Variants in POM121C observed in about 807,000 individuals in gnomAD.
POM121C encodes POM121 transmembrane nucleoporin C, also known as nuclear envelope pore membrane protein POM 121C.
In POM121C, 20 loss-of-function variants were observed where a neutral mutation model predicts 66.4. The observed-to-expected ratio is 0.30, with a 90% CI of 0.21 to 0.44. The LOEUF is 0.44. Among genes scored for constraint, POM121C ranks in the 20% least tolerant of loss-of-function variants. POM121C has a pLI of 1.00. For missense variants in POM121C, 580 were observed against 1,225.7 expected, an observed-to-expected ratio of 0.47 and a Z score of 7.87; for synonymous variants, 286 against 528.0, an observed-to-expected ratio of 0.54 and a Z score of 6.28.
chr7:75,437,142 G>GA (rs1210282392), intron 7 of POM121C, among the ~76,000 whole-genome samples: 2 of 152,136 alleles, frequency 1.3e-5, no homozygotes, highest in African/African-American at 2.4e-5. Context: ...GCTCTGTCTC[G>GA]AATCAGCTCG....
rs1792542377 is a variant in POM121C, at chr7:75,486,214, G to A, written c.-808C>T. On this transcript the variant is annotated 5_prime_UTR_variant, in exon 1 of 15. Transcript: ENST00000615331. ...CGGGCGGTCAGCATCCAGCCCCGCA[G>A]ACTCGGTGATTCTCGTCCACTAGAA... 1 of 292,154 alleles carries A rather than the reference G, an allele frequency of 3.4e-6. No individual in the cohort carries two copies. The highest frequency in any genetic ancestry group is 2.6e-5 in the South Asian group (1 of 37,888). 18.1% of individuals were successfully genotyped at this position (292,154 alleles called of 1,614,324 possible). A position where few individuals can be genotyped will look rare whatever the true frequency, so the allele number is the denominator to read the frequency against.
intron 7 of POM121C, among the ~76,000 whole-genome samples, chr7:75,430,311 G>T (rs1475389488): frequency 3.3e-5 from 5 of 152,132 alleles, no homozygotes; most frequent in Admixed American, 1.3e-4. Flanking sequence ...AGGGTAGTAA[G>T]AAAAATAGTC....
chr7:75,433,580 T>TAG (rs1790276570), intron 7 of POM121C, among the ~76,000 whole-genome samples: 2 of 152,090 alleles, frequency 1.3e-5, no homozygotes, highest in Non-Finnish European at 2.9e-5. Flanking sequence ...AGGATAGTCT[T>TAG]AATCACCTGA....
chr7:75,419,187 G>A, intron 14 of POM121C, 133 bp downstream of exon 14: 3 of 1,396,602 alleles, frequency 2.1e-6, no homozygotes, highest in Non-Finnish European at 2.9e-6. Flanking sequence ...GGGCTGTGCT[G>A]TACTCCTAAC....
chr7:75,456,563 C>T (rs1427108208), intron 3 of POM121C, among the ~76,000 whole-genome samples: 3 of 152,196 alleles, frequency 2.0e-5, no homozygotes, highest in African/African-American at 2.4e-5. Flanking sequence ...CGAGCCAGAG[C>T]GCAAAGGCAC....
intron 3 of POM121C, among the ~76,000 whole-genome samples, chr7:75,452,690 G>A (rs1488126985): frequency 1.3e-5 from 2 of 152,060 alleles, no homozygotes; most frequent in African/African-American, 4.8e-5. Context: ...AACATTACCA[G>A]GGAAGAACTG....
chr7:75,422,004 A>T lies in POM121C; in HGVS notation c.2248T>A (p.Ser750Thr). 6.2e-7 allele frequency: 1 copy of T among 1,613,858 alleles called. No individual in the cohort carries two copies. The highest frequency in any genetic ancestry group is 8.5e-7 in the Non-Finnish European group (1 of 1,179,842). The stretch of plus-strand genomic sequence containing the variant: ...TGCGCAGGCACGATCTTGATCGTGG[A>T]CGCAGGTGCAGGTGTGGGTGCAGTA... ...PATAPTPAPA[S>T]TIKIVPAHVP... The change falls in exon 13 of 15, where the codon TCC (serine) becomes ACC (threonine). Residue 750 changes from serine to threonine, a missense_variant. Ser to Thr is a moderately conservative substitution (Grantham distance 58). Coordinates refer to ENST00000615331, the MANE Select transcript of POM121C (RefSeq NM_001099415.3).
intron 3 of POM121C, among the ~76,000 whole-genome samples, chr7:75,447,003 G>A (rs1306592262): frequency 3.2e-5 from 2 of 62,034 alleles, no homozygotes; most frequent in African/African-American, 7.4e-5. Context: ...GCGAGACTCC[G>A]TCTCAAAAAA....
intron 3 of POM121C, among the ~76,000 whole-genome samples, chr7:75,443,264 A>G (rs1790729938): frequency 6.6e-6 from 1 of 152,120 alleles, no homozygotes; most frequent in Admixed American, 6.5e-5. Context: ...CTGAGAAAGT[A>G]GATTAGTGGT....
chr7:75,443,376 T>C (rs374428277), intron 3 of POM121C, among the ~76,000 whole-genome samples: 1,502 of 137,388 alleles, frequency 0.011, 5 homozygotes, highest in African/African-American at 0.042. Context: ...AAAATTAGAT[T>C]GTGTTGGCGG....
At chr7:75,450,837 G>C (rs1412350625) in intron 3 of POM121C, among the ~76,000 whole-genome samples, 3 of 152,184 alleles carry the variant, frequency 2.0e-5, no homozygotes, top group Non-Finnish European at 4.4e-5. Context: ...TCAAATGTCC[G>C]TGTTTCAATG....
chr7:75,449,831 C>A (rs1291278500), intron 3 of POM121C, among the ~76,000 whole-genome samples: 3 of 151,968 alleles, frequency 2.0e-5, no homozygotes, highest in Non-Finnish European at 4.4e-5. Flanking sequence ...GCCTGGCCAA[C>A]ATGGCCAGGC....
At chr7:75,443,386 G>C (rs1554474382) in intron 3 of POM121C, among the ~76,000 whole-genome samples, 1 of 152,156 alleles carries the variant, frequency 6.6e-6, no homozygotes, top group African/African-American at 2.4e-5. Context: ...TGTGTTGGCG[G>C]TTGCACCACC....
rs1789494590 is a variant in POM121C at position 75,417,058 on chromosome 7, A to C, written c.*1738T>G. On this transcript the variant is annotated 3_prime_UTR_variant, in exon 15 of 15. Transcript: ENST00000615331. ...CTACCTTACATAAGGTACAGGTAGA[A>C]GCTTGATTGCTAGGCCCAGGCCCAC... 2 of 1,022,106 alleles carry C rather than the reference A, an allele frequency of 2.0e-6. No homozygotes were observed. Among genetic ancestry groups the C allele is most frequent in the Non-Finnish European group, 2.4e-6 (2 of 842,666 alleles). 63.3% of individuals were successfully genotyped at this position (1,022,106 alleles called of 1,614,324 possible).
Position 75,421,588 on chromosome 7 carries a change from G to A in POM121C, c.2664C>T (p.Asn888=), listed in dbSNP as rs782639440. The change falls in exon 13 of 15, where the codon AAC becomes AAT. Residue 888 remains asparagine, a synonymous_variant. Coordinates refer to ENST00000615331, the MANE Select transcript of POM121C (RefSeq NM_001099415.3). ...TGCTCTGGCCGGTGGTGCCCAGGGC[G>A]TTCTGACCTAAGCCCCCTGTGAAGG... The part of the protein sequence containing the change: ...STPFTGGLGQ[N]ALGTTGQSTP... 1.4e-5 allele frequency: 22 copies of A among 1,613,146 alleles called. No homozygotes were observed. The highest frequency in any genetic ancestry group is 5.0e-5 in the Admixed American group (3 of 59,982).
At chr7:75,458,876 T>C (rs1791345420) in intron 3 of POM121C, among the ~76,000 whole-genome samples, 1 of 152,174 alleles carries the variant, frequency 6.6e-6, no homozygotes, top group Non-Finnish European at 1.5e-5. Context: ...ATGACAAAGA[T>C]ATTGGAATTA....
intron 3 of POM121C, among the ~76,000 whole-genome samples, chr7:75,462,012 C>T (rs1468622872): frequency 6.8e-6 from 1 of 146,316 alleles, no homozygotes; most frequent in African/African-American, 2.7e-5. Context: ...GCAAAACTGT[C>T]TGAATCAACT....
intron 7 of POM121C, among the ~76,000 whole-genome samples, chr7:75,428,142 G>T (rs1447854410): frequency 6.6e-6 from 1 of 151,842 alleles, no homozygotes; most frequent in Non-Finnish European, 1.5e-5. Flanking sequence ...GTCACCTGTG[G>T]AACTTTTTTT....
intron 3 of POM121C, among the ~76,000 whole-genome samples, chr7:75,452,504 AG>A (rs1329701379): frequency 6.6e-6 from 1 of 152,228 alleles, no homozygotes; most frequent in Admixed American, 6.5e-5. Flanking sequence ...AATATTAGTT[AG>A]TTATTAGCTC....
Sources: gnomAD v4.1 joint callset for allele counts (sites outside exome capture counted in the v4.1 genomes callset) on GRCh38, gnomAD v4.1.1 for gene constraint, MANE v1.5 for transcripts, NCBI Gene and HGNC (gene_info 2026-07-23, HGNC 2026-07-21) for gene names.